The following ASRGL1 variants were observed in gnomAD, a reference collection of about 807,000 sequenced individuals.
ASRGL1 encodes the protein isoaspartyl peptidase/L-asparaginase.
ASRGL1 carries 16 observed loss-of-function variants against 22.4 expected under a neutral mutation model. The ratio of observed to expected loss-of-function variants is 0.71; its 90% CI spans 0.48 to 1.08. The LOEUF (loss-of-function observed/expected upper bound fraction) is 1.08, where lower values mean the gene tolerates loss of function less well. Ranked by LOEUF, ASRGL1 falls within the 50% of genes least tolerant of loss-of-function variation. The probability of loss-of-function intolerance (pLI) is 0.00; values close to 1 mark genes in which losing one functional copy is unlikely to be tolerated. For missense variants in ASRGL1, 412 were observed against 410.1 expected, an observed-to-expected ratio of 1.00 and a Z score of -0.04; for synonymous variants, 165 against 159.3, an observed-to-expected ratio of 1.04 and a Z score of -0.27.
At chr11:62,371,171 A>G in intron 4 of ASRGL1, 1 of 1,213,528 alleles carries the variant, frequency 8.2e-7, no homozygotes, top group South Asian at 1.7e-5. Context: ...GCCTGGGAGG[A>G]GCTGAGCTCG....
Position 62,338,048 on chromosome 11 carries a change from AC to A in ASRGL1, c.73del (p.Gln25ArgfsTer24). ...PISKDRKERV[H>X]QGMVRAATVG... ...TCCAAGGATCGGAAGGAGCGAGTGCACCAGGGCATGGTCAGAGCCGCCACCG... is the reference window on the plus strand; with the variant it reads ...TCCAAGGATCGGAAGGAGCGAGTGCACAGGGCATGGTCAGAGCCGCCACCG... On this transcript the variant is annotated frameshift_variant, in exon 2 of 7. Coordinates refer to ENST00000415229, the MANE Select transcript of ASRGL1 (RefSeq NM_001083926.2). LOFTEE classifies it high-confidence loss of function. 6.2e-7 allele frequency: 1 copy of A among 1,608,286 alleles called. No individual in the cohort carries two copies.
At chr11:62,369,140 A>G (rs1190211463) in intron 4 of ASRGL1, among the ~76,000 whole-genome samples, 2 of 152,150 alleles carry the variant, frequency 1.3e-5, no homozygotes, top group Non-Finnish European at 2.9e-5. Flanking sequence ...TTTGCTAGGC[A>G]GAGGTCCCTG....
chr11:62,385,437 G>A (rs1277351976), intron 4 of ASRGL1, among the ~76,000 whole-genome samples: 13 of 152,178 alleles, frequency 8.5e-5, no homozygotes, highest in African/African-American at 3.1e-4. Flanking sequence ...CTCTTGAGTA[G>A]CAGGAACTAC....
chr11:62,357,720 T>C (rs540016682), intron 4 of ASRGL1, among the ~76,000 whole-genome samples: 1 of 152,168 alleles, frequency 6.6e-6, no homozygotes, highest in Non-Finnish European at 1.5e-5. Context: ...TCAGCACAAC[T>C]CTTAGAAATT....
intron 4 of ASRGL1, among the ~76,000 whole-genome samples, chr11:62,361,194 GTTTT>G: frequency 7.2e-6 from 1 of 139,284 alleles, no homozygotes; most frequent in East Asian, 1.9e-4. Context: ...GTGGGGTTTT[GTTTT>G]TTTGTTTTTT....
intron 4 of ASRGL1, among the ~76,000 whole-genome samples, chr11:62,387,725 T>G (rs1002123219): frequency 1.3e-5 from 2 of 152,228 alleles, no homozygotes; most frequent in Non-Finnish European, 2.9e-5. Context: ...TTTTTTGTTT[T>G]GTTTTTGTCA....
intron 4 of ASRGL1, among the ~76,000 whole-genome samples, chr11:62,369,265 C>T (rs1433295063): frequency 6.6e-6 from 1 of 152,090 alleles, no homozygotes; most frequent in Admixed American, 6.5e-5. Context: ...TCCTGTATAG[C>T]CATAAATCCA....
In ASRGL1 at chr11:62,338,140, C is replaced by G. The variant is rs145018428; in HGVS notation, c.163C>G (p.Leu55Val). 5 of 1,587,258 alleles carry G rather than the reference C, an allele frequency of 3.2e-6. No individual in the cohort carries two copies. Among genetic ancestry groups the G allele is most frequent in the Non-Finnish European group, 4.3e-6 (5 of 1,168,100 alleles). The change falls in exon 2 of 7, where the codon CTG becomes GTG. Residue 55 changes from leucine (L) to valine (V), a missense_variant. By Grantham distance (32) the Leu-to-Val change is conservative (BLOSUM62 1). Coordinates refer to ENST00000415229, the MANE Select transcript of ASRGL1 (RefSeq NM_001083926.2). ...TGCCGTAGAGGGAGCTGTCGTCGCC[C>G]TGGAAGACGATCCCGAGTTCAACGC... is the stretch of plus-strand genomic sequence containing the variant. ...VDAVEGAVVALEDDPEFNAGC... is the reference protein window; with the variant it reads ...VDAVEGAVVAVEDDPEFNAGC...
intron 4 of ASRGL1, among the ~76,000 whole-genome samples, chr11:62,378,651 G>A (rs954894505): frequency 1.3e-5 from 2 of 152,094 alleles, no homozygotes; most frequent in Non-Finnish European, 2.9e-5. Context: ...CGGCATTTAC[G>A]GCTCTTAAGT....
At chr11:62,372,001 C>A (rs2134658287) in intron 4 of ASRGL1, 7 of 684,208 alleles carry the variant, frequency 1.0e-5, no homozygotes. Flanking sequence ...CTGCGTACGG[C>A]AATATCCGTC....
At chr11:62,373,994 T>G (rs1207870550) in intron 4 of ASRGL1, among the ~76,000 whole-genome samples, 2 of 152,132 alleles carry the variant, frequency 1.3e-5, no homozygotes, top group Non-Finnish European at 2.9e-5. Context: ...ACTCGCCAAT[T>G]AGAGATTGAT....
chr11:62,337,727 G>A lies in ASRGL1; in HGVS notation c.-89+153G>A, dbSNP rs550273253. Among the ~76,000 whole-genome samples the A allele has an allele frequency of 2.4e-4, 13 of 53,248 alleles. No homozygotes were observed. The South Asian group carries it at 0.014, about 58-fold the overall frequency. 34.9% of individuals were successfully genotyped at this position (53,248 alleles called of 152,430 possible). A position where few individuals can be genotyped will look rare whatever the true frequency, so the allele number is the denominator to read the frequency against. On this transcript the variant is annotated intron_variant, in intron 1 of 6. Coordinates refer to ENST00000415229, the MANE Select transcript of ASRGL1 (RefSeq NM_001083926.2). The stretch of plus-strand genomic sequence containing the variant: ...GCGGTGGGCGCGGGTTAACGTCCCC[G>A]GGGAAACTGAGACCCCCAGCAGGTC...
intron 4 of ASRGL1, among the ~76,000 whole-genome samples, chr11:62,360,799 A>G (rs1360683830): frequency 6.6e-6 from 1 of 152,254 alleles, no homozygotes; most frequent in African/African-American, 2.4e-5. Context: ...ATCACACACA[A>G]TAAAACACAC....
At chr11:62,400,544 T>C in the ASRGL1 span, among the ~76,000 whole-genome samples, 1 of 152,216 alleles carries the variant, frequency 6.6e-6, no homozygotes, top group Non-Finnish European at 1.5e-5. Context: ...GCTTGGGCAC[T>C]GGGCAGAACC....
chr11:62,376,100 C>CAAAAAAAAAAAAAAAAAAAAAAAAAAA (rs35931241), intron 4 of ASRGL1, among the ~76,000 whole-genome samples: 1 of 51,552 alleles, frequency 1.9e-5, no homozygotes, highest in Non-Finnish European at 3.4e-5. Flanking sequence ...GACTCCATCT[C>CAAAAAAAAAAAAAAAAAAAAAAAAAAA]AAAAAAAAAA....
intron 4 of ASRGL1, chr11:62,372,216 A>G: frequency 1.6e-6 from 2 of 1,253,898 alleles, no homozygotes; most frequent in East Asian, 2.3e-5. Flanking sequence ...CTCAGCCACG[A>G]AGTGATTGTG....
chr11:62,400,827 A>G, the ASRGL1 span, among the ~76,000 whole-genome samples: 1 of 152,178 alleles, frequency 6.6e-6, no homozygotes, highest in African/African-American at 2.4e-5. Flanking sequence ...CAACCAGTTA[A>G]GTGCATCTCC....
Position 62,338,827 on chromosome 11 carries a change from C to G in ASRGL1, c.190+660C>G, listed in dbSNP as rs149264746. Among the ~76,000 whole-genome samples, 583 of 149,610 alleles carry G rather than the reference C, an allele frequency of 3.9e-3. 1 individual carries two copies. Among genetic ancestry groups the G allele is most frequent in the South Asian group, 0.011 (52 of 4,680 alleles). On this transcript the variant is annotated intron_variant, in intron 2 of 6. Coordinates refer to ENST00000415229, the MANE Select transcript of ASRGL1 (RefSeq NM_001083926.2). ...AGGCGTGGTGCTAGGAGCCTGTAAC[C>G]CCAGCTACTCGGGAGGCCGAGGCAG...
downstream of ASRGL1, among the ~76,000 whole-genome samples, chr11:62,396,133 A>C (rs1947430668): frequency 6.6e-6 from 1 of 151,990 alleles, no homozygotes; most frequent in Admixed American, 6.6e-5. Flanking sequence ...AAAAAAATGC[A>C]GGTGTCCTCT....
Sources: gnomAD v4.1 joint callset for allele counts (sites outside exome capture counted in the v4.1 genomes callset) on GRCh38, gnomAD v4.1.1 for gene constraint, MANE v1.5 for transcripts, NCBI Gene and HGNC (gene_info 2026-07-23, HGNC 2026-07-21) for gene names.